SNX20: variants seen among roughly 807,000 people sequenced by gnomAD.
SNX20 encodes sorting nexin 20.
SNX20 carries 21 observed loss-of-function variants against 24.5 expected under a neutral mutation model. The observed-to-expected ratio is 0.86, with a 90% CI of 0.61 to 1.23. SNX20 has a LOEUF of 1.23. Ranked by LOEUF, SNX20 falls within the 50% of genes most tolerant of loss-of-function variation. The pLI, the probability that SNX20 is intolerant of heterozygous loss-of-function variation, is 0.00. For synonymous variants in SNX20, 206 were observed against 192.8 expected, an observed-to-expected ratio of 1.07 and a Z score of -0.57; for missense variants, 433 against 430.8, an observed-to-expected ratio of 1.00 and a Z score of -0.04.
Position 50,674,439 on chromosome 16 carries a change from G to A in SNX20, c.283-365C>T, listed in dbSNP as rs1963140066. ...TTTTTTGATTTTTTTTAAAAGATGG[G>A]GTCTGGCTGTGTTGCCCAGGCTGGT... is the stretch of plus-strand genomic sequence containing the variant. On this transcript the variant is annotated intron_variant, in intron 3 of 3. Transcript: ENST00000330943. 2.0e-5 allele frequency among the ~76,000 whole-genome samples: 3 copies of A among 151,960 alleles called. No individual in the cohort carries two copies. In the South Asian group the frequency reaches 6.2e-4, roughly 31 times the overall value.
At chr16:50,671,278 T>C (rs1467966232), downstream of SNX20, 2 of 152,062 alleles carry the variant, frequency 1.3e-5, no homozygotes, top group African/African-American at 2.4e-5. Flanking sequence ...GAGACCACTT[T>C]AACATGATTT....
At chr16:50,668,137 G>T, downstream of SNX20, 2 of 1,548,098 alleles carry the variant, frequency 1.3e-6, no homozygotes, top group South Asian at 2.4e-5. Context: ...TCGAGTTGGT[G>T]ACCAGGAAAC....
rs2150760876 is a variant in SNX20 at position 50,673,798 on chromosome 16, GCCGCGTGAGGAAGT to G, written c.545_558del (p.Asp182AlafsTer177). ...CAGCCGAAAGCCTCGCGCAGCTCCG[GCCGCGTGAGGAAGT>G]CCAGGAACTCCCGGGAGCGGCGCAC... On this transcript the variant is annotated frameshift_variant, in exon 4 of 4. Coordinates refer to ENST00000330943, the MANE Select transcript of SNX20 (RefSeq NM_182854.4). LOFTEE classifies it high-confidence loss of function. The surrounding 1 kb of genome is among the most constrained non-coding windows in gnomAD (Gnocchi z 4.1). 6.3e-7 allele frequency: 1 copy of G among 1,580,866 alleles called. No individual in the cohort carries two copies. The highest frequency in any genetic ancestry group is 8.6e-7 in the Non-Finnish European group (1 of 1,169,578).
Position 50,675,914 on chromosome 16 carries a change from G to A in SNX20, c.138C>T (p.His46=), listed in dbSNP as rs1218244721. The change falls in exon 3 of 4, where the codon CAC becomes CAT. Residue 46 remains histidine (H), a synonymous_variant. Coordinates refer to ENST00000330943, the MANE Select transcript of SNX20 (RefSeq NM_182854.4). ...TGCTGGAGTTGGAGCTCAGGCCACT[G>A]TGTGTGTCTGGAAGGACAACACCCT... is the stretch of plus-strand genomic sequence containing the variant. ...HPGPDGHLDT[H]SGLSSNSSMT... 1 of 1,606,004 alleles carries A rather than the reference G, an allele frequency of 6.2e-7. No homozygotes were observed. Among genetic ancestry groups the A allele is most frequent in the Non-Finnish European group, 8.5e-7 (1 of 1,177,512 alleles).
At chr16:50,668,578 G>T (rs1418910540), downstream of SNX20, 4 of 1,015,066 alleles carry the variant, frequency 3.9e-6, no homozygotes, top group Non-Finnish European at 4.7e-6. Context: ...GAAAACAGCT[G>T]GTGATTGATA....
chr16:50,680,379 G>A (rs1963270970), intron 1 of SNX20, among the ~76,000 whole-genome samples: 1 of 152,138 alleles, frequency 6.6e-6, no homozygotes, highest in South Asian at 2.1e-4. Context: ...TGGCCTGGGG[G>A]CCTGTAGTTG....
Position 50,672,496 on chromosome 16 carries a change from CGT to C in SNX20, c.*908_*909del, listed in dbSNP as rs72303410. ...CAAAAGGATGGCATACAACTCCCAC[CGT>C]GTGTGTGTGTGTGTGTGTGTGTGTG... On this transcript the variant is annotated 3_prime_UTR_variant, in exon 4 of 4. Transcript: ENST00000330943. 24,894 of 137,618 alleles carry C rather than the reference CGT, an allele frequency of 0.18. 2,128 individuals carry two copies. The highest frequency in any genetic ancestry group is 0.21 in the Non-Finnish European group (13,245 of 64,226). The allele number at this position is 137,618 out of a possible 1,614,324, so 8.5% of individuals were successfully genotyped here. A position where few individuals can be genotyped will look rare whatever the true frequency, so the allele number is the denominator to read the frequency against.
Position 50,672,019 on chromosome 16 carries a change from G to A in SNX20, c.*1387C>T, listed in dbSNP as rs959223323. 4 of 152,172 alleles carry A rather than the reference G, an allele frequency of 2.6e-5. No individual in the cohort carries two copies. Among genetic ancestry groups the A allele is most frequent in the Admixed American group, 6.5e-5 (1 of 15,276 alleles). 9.4% of individuals were successfully genotyped at this position (152,172 alleles called of 1,614,324 possible). A position where few individuals can be genotyped will look rare whatever the true frequency, so the allele number is the denominator to read the frequency against. ...TCATCCAGGCAGTTTAGGTCTTCAG[G>A]GGCTTCCAGCCTCCAACACACATTG... On this transcript the variant is annotated 3_prime_UTR_variant, in exon 4 of 4. Coordinates refer to ENST00000330943, the MANE Select transcript of SNX20 (RefSeq NM_182854.4).
downstream of SNX20, chr16:50,666,881 T>C (rs945725612): frequency 6.6e-6 from 1 of 152,204 alleles, no homozygotes; most frequent in Non-Finnish European, 1.5e-5. Context: ...GGGAGAGCTC[T>C]CTCTGAGAGC....
intron 1 of SNX20, 52 bp from the exon 2 acceptor site, chr16:50,677,587 G>C: frequency 6.9e-7 from 1 of 1,449,004 alleles, no homozygotes; most frequent in Middle Eastern, 2.6e-4. Flanking sequence ...GGGGTTCCCG[G>C]TGGCTCCTGG....
chr16:50,673,017 CCCAGG>C lies in SNX20; in HGVS notation c.*384_*388del, dbSNP rs1963084622. The C allele has an allele frequency of 6.3e-6, 1 of 158,722 alleles. No homozygotes were observed. Among genetic ancestry groups the C allele is most frequent in the African/African-American group, 2.4e-5 (1 of 41,752 alleles). The allele number at this position is 158,722 out of a possible 1,614,324, so 9.8% of individuals were successfully genotyped here. ...GTGGCTTTTCCCATTAAAAATGAAC[CCCAGG>C]CCAGGGGTGGTGGCTCACACTTGTA... On this transcript the variant is annotated 3_prime_UTR_variant, in exon 4 of 4. Coordinates refer to ENST00000330943, the MANE Select transcript of SNX20 (RefSeq NM_182854.4). The surrounding 1 kb of genome is among the most constrained non-coding windows in gnomAD (Gnocchi z 4.1).
At chr16:50,667,993 G>A (rs764459513), downstream of SNX20, 25 of 1,550,342 alleles carry the variant, frequency 1.6e-5, no homozygotes, top group East Asian at 7.3e-5. Flanking sequence ...CAGAACGCTC[G>A]CTCCATCTGA....
At chr16:50,680,879 T>G (rs1169154831) in intron 1 of SNX20, among the ~76,000 whole-genome samples, 21 of 152,188 alleles carry the variant, frequency 1.4e-4, no homozygotes. Flanking sequence ...CCATGAGTCC[T>G]CTAAGGCTGT....
At position 50,672,496 on chromosome 16, in the gene SNX20, CGTGT is replaced by C. The variant is rs72303410; in HGVS notation, c.*906_*909del. On this transcript the variant is annotated 3_prime_UTR_variant, in exon 4 of 4. Coordinates refer to ENST00000330943, the MANE Select transcript of SNX20 (RefSeq NM_182854.4). ...CAAAAGGATGGCATACAACTCCCAC[CGTGT>C]GTGTGTGTGTGTGTGTGTGTGTGTG... 0.02 allele frequency: 2,790 copies of C among 137,970 alleles called. 41 individuals carry two copies. The highest frequency in any genetic ancestry group is 0.052 in the South Asian group (213 of 4,068). 8.5% of individuals were successfully genotyped at this position (137,970 alleles called of 1,614,324 possible).
intron 2 of SNX20, among the ~76,000 whole-genome samples, chr16:50,677,022 TGCAGG>T (rs1260600073): frequency 6.6e-6 from 1 of 152,178 alleles, no homozygotes; most frequent in Non-Finnish European, 1.5e-5. Flanking sequence ...CCTTCTCCTA[TGCAGG>T]GCAGGACTGG....
intron 1 of SNX20, among the ~76,000 whole-genome samples, chr16:50,680,499 G>C (rs942087972): frequency 3.9e-5 from 6 of 152,130 alleles, no homozygotes. Context: ...CCCTCTCCAA[G>C]AGCTGACTGC....
chr16:50,673,268 TTCAG>T lies in SNX20; in HGVS notation c.*134_*137del. The T allele has an allele frequency of 7.7e-7, 1 of 1,300,858 alleles. No homozygotes were observed. Among genetic ancestry groups the T allele is most frequent in the Non-Finnish European group, 9.8e-7 (1 of 1,024,278 alleles). The allele number at this position is 1,300,858 out of a possible 1,614,324, so 80.6% of individuals were successfully genotyped here. On this transcript the variant is annotated 3_prime_UTR_variant, in exon 4 of 4. Transcript: ENST00000330943. The surrounding 1 kb of genome is among the most constrained non-coding windows in gnomAD (Gnocchi z 4.1). Reference sequence around the variant, plus strand: ...GTGAGACATAATTGAGCCACTGCACTTCAGTCTGGGTGACAGAGCAAGACTGTCT... The same window carrying T: ...GTGAGACATAATTGAGCCACTGCACTTCTGGGTGACAGAGCAAGACTGTCT...
chr16:50,673,762 C>A lies in SNX20; in HGVS notation c.595G>T (p.Gly199Cys). The A allele has an allele frequency of 6.6e-7, 1 of 1,524,450 alleles. No individual in the cohort carries two copies. The highest frequency in any genetic ancestry group is 8.8e-7 in the Non-Finnish European group (1 of 1,142,520). 94.4% of individuals were successfully genotyped at this position (1,524,450 alleles called of 1,614,324 possible). ...AGCTCCAGGGCGCGCGGGTACTGGC[C>A]GGCCCGCAGGCAGCCGAAAGCCTCG... is the stretch of plus-strand genomic sequence containing the variant. ...LREAFGCLRA[G>C]QYPRALELLL... The change falls in exon 4 of 4, where the codon GGC (glycine) becomes TGC (cysteine). Residue 199 changes from glycine to cysteine, a missense_variant. Transcript: ENST00000330943. The surrounding 1 kb of genome is among the most constrained non-coding windows in gnomAD (Gnocchi z 4.1).
chr16:50,674,101 G>C (rs773375972), intron 3 of SNX20, 27 bp from the exon 4 acceptor site: 3 of 1,559,946 alleles, frequency 1.9e-6, no homozygotes, highest in Non-Finnish European at 2.6e-6. Context: ...GAGAGCTGTG[G>C]CCACCTCCCG....
Sources: allele counts gnomAD v4.1 joint callset (sites outside exome capture counted in the v4.1 genomes callset), GRCh38; gene constraint gnomAD v4.1.1; non-coding constraint Gnocchi (gnomAD v3.1); transcripts MANE v1.5; gene names NCBI Gene and HGNC (gene_info 2026-07-23, HGNC 2026-07-21).